Variants in CADPS2 observed in about 807,000 individuals in gnomAD.
CADPS2 encodes calcium-dependent secretion activator 2.
CADPS2 carries 93 observed loss-of-function variants against 172.5 expected under a neutral mutation model. That is an observed-to-expected ratio of 0.54 (90% CI 0.46 to 0.64). CADPS2 has a LOEUF of 0.64. Ranked by LOEUF, CADPS2 falls within the 30% of genes least tolerant of loss-of-function variation. The pLI is 0.00. For synonymous variants in CADPS2, 546 were observed against 555.2 expected, an observed-to-expected ratio of 0.98 and a Z score of 0.23; for missense variants, 1,420 against 1,565.9, an observed-to-expected ratio of 0.91 and a Z score of 1.57.
At chr7:122,539,345 C>T (rs1004331136) in intron 8 of CADPS2, among the ~76,000 whole-genome samples, 2 of 152,110 alleles carry the variant, frequency 1.3e-5, no homozygotes, top group Non-Finnish European at 2.9e-5. Context: ...TCACCAGATG[C>T]TGGCCCCTTA....
At chr7:122,732,695 CATTATATATTATATATA>C (rs1179501986) in intron 2 of CADPS2, among the ~76,000 whole-genome samples, 2 of 143,466 alleles carry the variant, frequency 1.4e-5, no homozygotes, top group Non-Finnish European at 3.0e-5. Context: ...CATATATTTA[CATTATATATTATATATA>C]ATTATATATT....
intron 2 of CADPS2, among the ~76,000 whole-genome samples, chr7:122,731,869 A>C (rs1036684257): frequency 1.3e-5 from 2 of 151,678 alleles, no homozygotes; most frequent in Non-Finnish European, 3.0e-5. Flanking sequence ...GGTGGTTTAG[A>C]TATTTGGGTC....
At chr7:122,543,767 A>C (rs1422444433) in intron 8 of CADPS2, among the ~76,000 whole-genome samples, 1 of 152,176 alleles carries the variant, frequency 6.6e-6, no homozygotes, top group African/African-American at 2.4e-5. Flanking sequence ...AAAGTATATA[A>C]AAATCAACCA....
At chr7:122,325,616 C>CA (rs1219406438) in intron 28 of CADPS2, 35 bp from the exon 29 acceptor site, 25 of 1,376,224 alleles carry the variant, frequency 1.8e-5, no homozygotes, top group Non-Finnish European at 2.3e-5. Context: ...GGGAGGAGAA[C>CA]AAAAAAAGAA....
At chr7:122,474,032 T>G (rs1032882317) in intron 13 of CADPS2, among the ~76,000 whole-genome samples, 6 of 151,804 alleles carry the variant, frequency 4.0e-5, no homozygotes, top group African/African-American at 1.2e-4. Context: ...CCTTAAAATG[T>G]CTGTACGTCC....
intron 9 of CADPS2, among the ~76,000 whole-genome samples, chr7:122,494,963 G>C (rs1351436390): frequency 6.6e-6 from 1 of 151,870 alleles, no homozygotes; most frequent in African/African-American, 2.4e-5. Context: ...GGTGTTTTTG[G>C]GGGTAAGGGT....
chr7:122,715,099 A>G (rs922820800), intron 2 of CADPS2, among the ~76,000 whole-genome samples: 1 of 152,146 alleles, frequency 6.6e-6, no homozygotes, highest in Non-Finnish European at 1.5e-5. Flanking sequence ...AATTCCGTTT[A>G]TGGCAATTTG....
intron 27 of CADPS2, chr7:122,354,395 C>G (rs2039089608): frequency 6.6e-6 from 1 of 152,130 alleles, no homozygotes; most frequent in Non-Finnish European, 1.5e-5. Context: ...ATTCAACCGC[C>G]AGCAGTTCGG....
intron 1 of CADPS2, among the ~76,000 whole-genome samples, chr7:122,876,268 C>G (rs1174759260): frequency 3.3e-5 from 5 of 152,284 alleles, no homozygotes; most frequent in Middle Eastern, 3.4e-3. Flanking sequence ...TGCAGTGGGT[C>G]AGGATCGTGT....
intron 17 of CADPS2, among the ~76,000 whole-genome samples, chr7:122,433,488 CTG>C (rs2050239916): frequency 6.8e-6 from 1 of 147,832 alleles, no homozygotes; most frequent in South Asian, 2.1e-4. Context: ...ACTGTAACTT[CTG>C]CCTCCCAGGT....
At chr7:122,730,326 C>T (rs1044936720) in intron 2 of CADPS2, among the ~76,000 whole-genome samples, 4 of 151,664 alleles carry the variant, frequency 2.6e-5, no homozygotes, top group African/African-American at 7.3e-5. Context: ...AAAAACAGCA[C>T]TCATATATGG....
chr7:122,639,533 T>C (rs1384923692), intron 3 of CADPS2, among the ~76,000 whole-genome samples: 10 of 152,170 alleles, frequency 6.6e-5, no homozygotes, highest in African/African-American at 2.4e-4. Flanking sequence ...CTCCTTTGTG[T>C]GTGTGTTTAG....
chr7:122,648,918 G>T (rs1034320178), intron 3 of CADPS2, among the ~76,000 whole-genome samples: 1 of 152,224 alleles, frequency 6.6e-6, no homozygotes, highest in East Asian at 1.9e-4. Context: ...ATTACCTGAA[G>T]GGCTAATATG....
chr7:122,799,707 G>C (rs1358035674), intron 1 of CADPS2, among the ~76,000 whole-genome samples: 1 of 151,804 alleles, frequency 6.6e-6, no homozygotes, highest in Non-Finnish European at 1.5e-5. Context: ...GTGTCAAAAG[G>C]AGTCTGAACA....
Position 122,453,832 on chromosome 7 carries a change from TAAGTCAGGGGA to T in CADPS2, c.2187-2368_2187-2358del, listed in dbSNP as rs1402056800. ...GTCAGGTGATGACAAGTGAGAAAGG[TAAGTCAGGGGA>T]AGCTCGCTTGTGTCAACCTTCGCTA... On this transcript the variant is annotated intron_variant, in intron 14 of 29. Coordinates refer to ENST00000449022, the MANE Select transcript of CADPS2 (RefSeq NM_017954.11). Among the ~76,000 whole-genome samples the T allele has an allele frequency of 2.0e-5, 3 of 152,138 alleles. No homozygotes were observed. In the East Asian group the frequency reaches 5.8e-4, roughly 29 times the overall value.
chr7:122,488,270 C>T (rs6955734), intron 11 of CADPS2, among the ~76,000 whole-genome samples: 8,464 of 152,166 alleles, frequency 0.056, 309 homozygotes, highest in African/African-American at 0.064. Flanking sequence ...AAGTTCTACC[C>T]GGGGTTGAGG....
chr7:122,453,446 G>A (rs2053384912), intron 14 of CADPS2, among the ~76,000 whole-genome samples: 1 of 151,984 alleles, frequency 6.6e-6, no homozygotes, highest in South Asian at 2.1e-4. Flanking sequence ...AGCTCAACTG[G>A]GAAGTTCTAT....
chr7:122,541,827 A>G lies in CADPS2; in HGVS notation c.1475+12723T>C, dbSNP rs2063082738. Among the ~76,000 whole-genome samples, 4 of 114,150 alleles carry G rather than the reference A, an allele frequency of 3.5e-5. No individual in the cohort carries two copies. The South Asian group carries it at 7.1e-4, about 20-fold the overall frequency. The allele number at this position is 114,150 out of a possible 152,430, so 74.9% of individuals were successfully genotyped here. A position where few individuals can be genotyped will look rare whatever the true frequency, so the allele number is the denominator to read the frequency against. ...TATATTTATATATTCATATGTTTAT[A>G]TATTCATATGTTTATATATTCATAT... On this transcript the variant is annotated intron_variant, in intron 8 of 29. Transcript: ENST00000449022.
In CADPS2 at chr7:122,668,211, G is replaced by A. The variant is rs1195262391; in HGVS notation, c.454-4642C>T. ...TGTGTCTTGGTAATTTACAAAATGT[G>A]GAAATATAAGAGAGGGAAAATTGGA... On this transcript the variant is annotated intron_variant, in intron 2 of 29. Transcript: ENST00000449022. Among the ~76,000 whole-genome samples, 3 of 149,380 alleles carry A rather than the reference G, an allele frequency of 2.0e-5. No homozygotes were observed. In the East Asian group the frequency reaches 6.1e-4, roughly 30 times the overall value.
Sources: gnomAD v4.1 joint callset for allele counts (sites outside exome capture counted in the v4.1 genomes callset) on GRCh38, gnomAD v4.1.1 for gene constraint, MANE v1.5 for transcripts, NCBI Gene and HGNC (gene_info 2026-07-23, HGNC 2026-07-21) for gene names.